The following COPA variants were observed in gnomAD, a reference collection of about 807,000 sequenced individuals.
COPA encodes coat protein complex I subunit alpha.
A neutral mutation model predicts 158.7 loss-of-function variants in COPA; 10 were observed. That is an observed-to-expected ratio of 0.06 (90% confidence interval 0.04 to 0.11). The LOEUF (loss-of-function observed/expected upper bound fraction) is 0.11, where lower values mean the gene tolerates loss of function less well. Among genes scored for constraint, COPA ranks in the 10% least tolerant of loss-of-function variants. The pLI is 1.00. For synonymous variants in COPA, 462 were observed against 542.8 expected (o/e 0.85, Z 2.07); for missense variants, 1,065 against 1,536.7 (o/e 0.69, Z 5.13).
At chr1:160,326,608 A>C (rs906657991) in intron 6 of COPA, among the ~76,000 whole-genome samples, 7 of 152,238 alleles carry the variant, frequency 4.6e-5, no homozygotes, top group African/African-American at 1.7e-4. Flanking sequence ...GGGAAGTTCC[A>C]AATGGGTTAC....
chr1:160,313,608 G>A (rs1659045173), intron 9 of COPA, among the ~76,000 whole-genome samples: 1 of 151,864 alleles, frequency 6.6e-6, no homozygotes, highest in African/African-American at 2.4e-5. Context: ...TAGAGACGGG[G>A]TTTCATTGTG....
chr1:160,317,336 G>A (rs1571168763), intron 8 of COPA: 1 of 1,450,856 alleles, frequency 6.9e-7, no homozygotes, highest in East Asian at 2.3e-5. Flanking sequence ...GTAAACCCCG[G>A]AGTGAGGTTC....
chr1:160,313,714 C>T (rs1278718341), intron 9 of COPA, among the ~76,000 whole-genome samples: 1 of 152,042 alleles, frequency 6.6e-6, no homozygotes, highest in Non-Finnish European at 1.5e-5. Context: ...CGCCCGGCCT[C>T]ATTCCGCATT....
Position 160,294,874 on chromosome 1 carries a change from C to A in COPA, c.2477-17G>T. 6.2e-7 allele frequency: 1 copy of A among 1,605,064 alleles called. No homozygotes were observed. Among genetic ancestry groups the A allele is most frequent in the South Asian group, 1.1e-5 (1 of 90,874 alleles). On this transcript the variant is annotated splice_polypyrimidine_tract_variant and intron_variant, in intron 23 of 32. Transcript: ENST00000241704. ...CTCCCTTCCCTACAGAGGGAAGGAA[C>A]AGAACGGAACTGGTTATAGTCCAGC...
At chr1:160,340,080 AT>A in intron 2 of COPA, 98 bp from the exon 3 acceptor site, 1 of 1,506,190 alleles carries the variant, frequency 6.6e-7, no homozygotes, top group Non-Finnish European at 9.2e-7. Flanking sequence ...TCATTTCCAC[AT>A]TCTTTAATCA....
intron 1 of COPA, among the ~76,000 whole-genome samples, chr1:160,340,822 A>AAGAC (rs1341332701): frequency 6.6e-6 from 1 of 152,150 alleles, no homozygotes; most frequent in East Asian, 1.9e-4. Flanking sequence ...AAGACCTGAG[A>AAGAC]AGACATCCTG....
chr1:160,313,877 ATGATT>A, intron 9 of COPA, 108 bp downstream of exon 9: 1 of 1,018,220 alleles, frequency 9.8e-7, no homozygotes, highest in Admixed American at 3.1e-5. Flanking sequence ...TTCATAATAT[ATGATT>A]TGATTTGTCT....
chr1:160,310,330 C>A, intron 11 of COPA, 72 bp from the exon 12 acceptor site: 1 of 840,892 alleles, frequency 1.2e-6, no homozygotes, highest in Non-Finnish European at 1.9e-6. Context: ...GGAATCACCC[C>A]CACACCTCCT....
intron 8 of COPA, among the ~76,000 whole-genome samples, chr1:160,321,477 C>T (rs1314572347): frequency 6.6e-6 from 1 of 151,522 alleles, no homozygotes; most frequent in Non-Finnish European, 1.5e-5. Flanking sequence ...CTGCGGGATA[C>T]AAAATCAACA....
chr1:160,313,253 C>T lies in COPA; in HGVS notation c.843-86G>A, dbSNP rs576079772. ...ACAAGAATATTAAATGGTAAGCCAG[C>T]AAGCTGATTAAAATGTAAATCAGGG... On this transcript the variant is annotated intron_variant, in intron 9 of 32. Coordinates refer to ENST00000241704, the MANE Select transcript of COPA (RefSeq NM_004371.4). 64 of 1,200,138 alleles carry T rather than the reference C, an allele frequency of 5.3e-5. No homozygotes were observed. The South Asian group carries it at 7.7e-4, about 14-fold the overall frequency. The allele number at this position is 1,200,138 out of a possible 1,614,324, so 74.3% of individuals were successfully genotyped here. A position where few individuals can be genotyped will look rare whatever the true frequency, so the allele number is the denominator to read the frequency against.
At chr1:160,336,936 C>T (rs749003493) in intron 3 of COPA, among the ~76,000 whole-genome samples, 3 of 152,084 alleles carry the variant, frequency 2.0e-5, no homozygotes, top group Admixed American at 6.5e-5. Flanking sequence ...TAACACAGTG[C>T]CTGACATTAG....
At position 160,307,075 on chromosome 1, in the gene COPA, C is replaced by T; in HGVS notation, c.1302+88G>A. The T allele has an allele frequency of 3.0e-6, 4 of 1,316,636 alleles. No homozygotes were observed. The South Asian group carries it at 3.5e-5, about 12-fold the overall frequency. 81.6% of individuals were successfully genotyped at this position (1,316,636 alleles called of 1,614,324 possible). ...AGAATCACGGCTGCCCGGGGGAGAA[C>T]AGAAAAAACAATGGTCTTTATTTTG... On this transcript the variant is annotated intron_variant, in intron 14 of 32. Transcript: ENST00000241704.
chr1:160,297,993 C>G (rs1413023567), intron 19 of COPA, among the ~76,000 whole-genome samples: 1 of 152,046 alleles, frequency 6.6e-6, no homozygotes, highest in African/African-American at 2.4e-5. Context: ...TCCTGGCCAA[C>G]ATGGTGAAAC....
intron 15 of COPA, 54 bp from the exon 16 acceptor site, chr1:160,305,827 G>T: frequency 6.9e-7 from 1 of 1,456,610 alleles, no homozygotes; most frequent in Non-Finnish European, 9.6e-7. Flanking sequence ...CTTGTCTCAG[G>T]CTTTGATCTA....
intron 21 of COPA, among the ~76,000 whole-genome samples, chr1:160,296,501 G>A (rs1658416517): frequency 6.6e-6 from 1 of 152,162 alleles, no homozygotes; most frequent in Non-Finnish European, 1.5e-5. Flanking sequence ...AGGGAGCAAG[G>A]ACATGGGGGC....
rs1341427045 is a variant in COPA at position 160,290,632 on chromosome 1, T to C, written c.3475A>G (p.Asn1159Asp). 4 of 1,614,152 alleles carry C rather than the reference T, an allele frequency of 2.5e-6. No homozygotes were observed. In the East Asian group the frequency reaches 8.9e-5, roughly 36 times the overall value. The change falls in exon 32 of 33, where the codon AAT becomes GAT. Residue 1159 changes from asparagine to aspartate, a missense_variant. Physicochemically the swap from Asn to Asp is conservative, Grantham distance 23. Coordinates refer to ENST00000241704, the MANE Select transcript of COPA (RefSeq NM_004371.4). ...EKNPTDAYQL[N>D]YDMHNPFDIC... The stretch of plus-strand genomic sequence containing the variant: ...TCAAAGGGGTTGTGCATGTCATAAT[T>C]GAGCTGGTAGGCATCTGTGGGATTC...
intron 6 of COPA, among the ~76,000 whole-genome samples, chr1:160,326,481 A>T (rs1444368599): frequency 6.6e-6 from 1 of 152,328 alleles, no homozygotes; most frequent in East Asian, 1.9e-4. Context: ...GTGAGCCATG[A>T]TGGCGCCACT....
chr1:160,291,682 C>T, intron 30 of COPA, 137 bp downstream of exon 30: 1 of 1,100,062 alleles, frequency 9.1e-7, no homozygotes, highest in Admixed American at 2.1e-5. Context: ...AGAAATGTAT[C>T]CTCCCCTCAT....
At chr1:160,320,152 A>G (rs2101855791) in intron 8 of COPA, among the ~76,000 whole-genome samples, 1 of 152,286 alleles carries the variant, frequency 6.6e-6, no homozygotes, top group East Asian at 1.9e-4. Context: ...AGGAAAAAGG[A>G]GAGAAGATCC....
Sources: allele counts gnomAD v4.1 joint callset (sites outside exome capture counted in the v4.1 genomes callset), GRCh38; gene constraint gnomAD v4.1.1; transcripts MANE v1.5; gene names NCBI Gene and HGNC (gene_info 2026-07-23, HGNC 2026-07-21).